Variants in TLK1 observed in about 807,000 individuals in gnomAD.
The protein encoded by TLK1 is tousled like kinase 1, also known as serine/threonine-protein kinase tousled-like 1.
Under a neutral mutation model 105.3 loss-of-function variants are expected in TLK1, and 24 were observed. The ratio of observed to expected loss-of-function variants is 0.23; its 90% CI spans 0.17 to 0.32. The LOEUF is 0.32. Ranked by LOEUF, TLK1 falls within the 10% of genes least tolerant of loss-of-function variation. TLK1 has a pLI of 1.00. For missense variants in TLK1, 558 were observed against 910.5 expected, an observed-to-expected ratio of 0.61 and a Z score of 4.98; for synonymous variants, 321 against 310.4, an observed-to-expected ratio of 1.03 and a Z score of -0.36.
At chr2:171,096,497 C>T (rs1331193724) in intron 2 of TLK1, among the ~76,000 whole-genome samples, 1 of 152,080 alleles carries the variant, frequency 6.6e-6, no homozygotes, top group East Asian at 1.9e-4. Context: ...TAGCTCATGC[C>T]TGTAATCCCA....
intron 1 of TLK1, among the ~76,000 whole-genome samples, chr2:171,200,266 C>T (rs560856415): frequency 6.6e-6 from 1 of 152,244 alleles, no homozygotes; most frequent in African/African-American, 2.4e-5. Flanking sequence ...TTTGCTTCAT[C>T]CTTCAAGTGC....
chr2:171,104,184 G>A (rs180692927), intron 2 of TLK1, among the ~76,000 whole-genome samples: 153 of 151,716 alleles, frequency 1.0e-3, no homozygotes, highest in Admixed American at 8.6e-3. Flanking sequence ...GCTGAGGCAT[G>A]AGAATTGCTT....
chr2:171,053,997 C>T (rs1039521638), intron 7 of TLK1, 144 bp from the exon 8 acceptor site: 11 of 572,408 alleles, frequency 1.9e-5, no homozygotes, highest in African/African-American at 5.8e-5. Flanking sequence ...AGTTTTAGTG[C>T]AGTTTTAATA....
In TLK1 at chr2:171,119,734, T is replaced by C. The variant is rs146297237; in HGVS notation, c.140-1877A>G. ...CATTTAGTGGAGAAAGATCAGTCTT[T>C]TCAACAAATGGTGCAGGGAAAACTG... On this transcript the variant is annotated intron_variant, in intron 1 of 20. Coordinates refer to ENST00000431350, the MANE Select transcript of TLK1 (RefSeq NM_012290.5). Among the ~76,000 whole-genome samples the C allele has an allele frequency of 2.4e-3, 358 of 152,312 alleles. 4 individuals are homozygous for C. Among genetic ancestry groups the C allele is most frequent in the African/African-American group, 8.4e-3 (350 of 41,564 alleles).
intron 18 of TLK1, among the ~76,000 whole-genome samples, chr2:171,001,980 C>T (rs1405218619): frequency 2.0e-5 from 3 of 151,926 alleles, no homozygotes; most frequent in African/African-American, 4.8e-5. Context: ...GGGGTTTCAC[C>T]GTTGGCCAGG....
At chr2:171,187,106 A>G (rs1173195608) in intron 1 of TLK1, among the ~76,000 whole-genome samples, 1 of 151,394 alleles carries the variant, frequency 6.6e-6, no homozygotes, top group African/African-American at 2.4e-5. Context: ...GAAAAAGAAA[A>G]GAATAAAGTC....
At chr2:171,045,090 A>T (rs2105420926) in intron 11 of TLK1, 1 of 152,316 alleles carries the variant, frequency 6.6e-6, no homozygotes, top group South Asian at 2.1e-4. Flanking sequence ...TAACAAGCAG[A>T]GCACAAAGGA....
intron 11 of TLK1, among the ~76,000 whole-genome samples, chr2:171,040,432 GTA>G (rs1466965489): frequency 1.3e-5 from 2 of 152,092 alleles, no homozygotes; most frequent in Non-Finnish European, 2.9e-5. Flanking sequence ...CAGGGGTTAG[GTA>G]TATAGGAACT....
chr2:171,125,340 C>T (rs980526943), intron 1 of TLK1, among the ~76,000 whole-genome samples: 14 of 152,184 alleles, frequency 9.2e-5, no homozygotes, highest in Admixed American at 7.9e-4. Context: ...GCTCTAGTGT[C>T]ACTTCATAAT....
chr2:171,210,801 T>C (rs13403972), intron 1 of TLK1, among the ~76,000 whole-genome samples: 1,769 of 152,306 alleles, frequency 0.012, 48 homozygotes, highest in African/African-American at 0.04. Flanking sequence ...GTTAATTCAT[T>C]GAGAGAATGC....
intron 12 of TLK1, among the ~76,000 whole-genome samples, chr2:171,025,257 T>C (rs1353766864): frequency 2.6e-5 from 4 of 152,212 alleles, no homozygotes; most frequent in Non-Finnish European, 2.9e-5. Context: ...TATTTTAGTT[T>C]AGCTTTTCAA....
chr2:171,109,385 G>A (rs1162567667), intron 2 of TLK1, among the ~76,000 whole-genome samples: 3 of 152,116 alleles, frequency 2.0e-5, no homozygotes, highest in Non-Finnish European at 4.4e-5. Context: ...ATACAGATCT[G>A]AACATTAATT....
chr2:170,999,671 C>T (rs1196545319), intron 18 of TLK1, among the ~76,000 whole-genome samples: 3 of 152,184 alleles, frequency 2.0e-5, no homozygotes, highest in East Asian at 3.8e-4. Flanking sequence ...ATTTATAGTG[C>T]TATCCAAATA....
chr2:171,182,157 T>C (rs1435968697), intron 1 of TLK1, among the ~76,000 whole-genome samples: 2 of 152,190 alleles, frequency 1.3e-5, no homozygotes, highest in Admixed American at 6.5e-5. Flanking sequence ...CAAATGTAGA[T>C]GGAATTAGAA....
chr2:171,073,739 T>C (rs1253788989), intron 3 of TLK1, among the ~76,000 whole-genome samples: 1 of 151,996 alleles, frequency 6.6e-6, no homozygotes, highest in Non-Finnish European at 1.5e-5. Context: ...CAATATATAG[T>C]GGTGAATTAA....
At chr2:171,067,229 G>A (rs993923429) in intron 3 of TLK1, among the ~76,000 whole-genome samples, 1 of 147,890 alleles carries the variant, frequency 6.8e-6, no homozygotes, top group Non-Finnish European at 1.5e-5. Flanking sequence ...ACACGATCTC[G>A]GCTCACTGCA....
In TLK1 at chr2:171,014,793, A is replaced by G. The variant is rs1685093595; in HGVS notation, c.1334+58T>C. The G allele has an allele frequency of 4.9e-6, 6 of 1,223,428 alleles. No individual in the cohort carries two copies. In the Admixed American group the frequency reaches 7.0e-5, roughly 14 times the overall value. The allele number at this position is 1,223,428 out of a possible 1,614,324, so 75.8% of individuals were successfully genotyped here. ...GAAGGAAATATTGTGTTTATGCTCT[A>G]TGGGGGGCGGGGGTAGTTTTAATAA... On this transcript the variant is annotated intron_variant, in intron 13 of 20. Coordinates refer to ENST00000431350, the MANE Select transcript of TLK1 (RefSeq NM_012290.5).
intron 1 of TLK1, among the ~76,000 whole-genome samples, chr2:171,122,642 A>ATT (rs757550848): frequency 1.4e-5 from 2 of 144,492 alleles, no homozygotes; most frequent in African/African-American, 5.1e-5. Context: ...GACAGAAACA[A>ATT]TTTTTTTTTT....
chr2:171,090,072 T>C (rs1447095232), intron 2 of TLK1, among the ~76,000 whole-genome samples: 1 of 152,174 alleles, frequency 6.6e-6, no homozygotes, highest in African/African-American at 2.4e-5. Flanking sequence ...TAACATTGAG[T>C]CTTCCAATAT....
Sources: gnomAD v4.1 joint callset for allele counts (sites outside exome capture counted in the v4.1 genomes callset) on GRCh38, gnomAD v4.1.1 for gene constraint, MANE v1.5 for transcripts, NCBI Gene and HGNC (gene_info 2026-07-23, HGNC 2026-07-21) for gene names.